XXYLT1: variants seen among roughly 807,000 people sequenced by gnomAD.
XXYLT1 encodes the protein UDP-xylose:alpha-xyloside alpha-1,3-xylosyltransferase.
In XXYLT1, 20 loss-of-function variants were observed where a neutral mutation model predicts 28.9. The ratio of observed to expected loss-of-function variants is 0.69; its 90% confidence interval spans 0.49 to 1.00. The LOEUF is 1.00. Among genes scored for constraint, XXYLT1 ranks in the 50% least tolerant of loss-of-function variants. The pLI is 0.00. For missense variants in XXYLT1, 542 were observed against 560.1 expected, an observed-to-expected ratio of 0.97 and a Z score of 0.33; for synonymous variants, 257 against 253.8, an observed-to-expected ratio of 1.01 and a Z score of -0.12.
chr3:195,122,159 G>A, intron 3 of XXYLT1: 1 of 703,004 alleles, frequency 1.4e-6, no homozygotes, highest in Non-Finnish European at 2.6e-6. Context: ...GAGCTCTTCA[G>A]GGTCTCTTTC....
Position 195,270,578 on chromosome 3 carries a change from G to A in XXYLT1, c.481C>T (p.Pro161Ser). ...ACCTTGCACTTGAAGCCAGCGGCGG[G>A]CGGCAGGAGCTCCCGCAGCAGGCCC... ...AKGLLRELLP[P>S]AAGFKCKVIF... Residue 161 changes from proline (P) to serine (S), a missense_variant, in exon 1 of 4, where the codon CCC becomes TCC. Pro to Ser is a moderately conservative substitution (Grantham distance 74). Transcript: ENST00000310380. 1.4e-6 allele frequency: 2 copies of A among 1,385,596 alleles called. No individual in the cohort carries two copies. Among genetic ancestry groups the A allele is most frequent in the Non-Finnish European group, 1.9e-6 (2 of 1,072,428 alleles). 85.8% of individuals were successfully genotyped at this position (1,385,596 alleles called of 1,614,324 possible). A position where few individuals can be genotyped will look rare whatever the true frequency, so the allele number is the denominator to read the frequency against.
intron 3 of XXYLT1, among the ~76,000 whole-genome samples, chr3:195,079,551 C>T (rs952871689): frequency 6.6e-6 from 1 of 152,136 alleles, no homozygotes; most frequent in Admixed American, 6.5e-5. Context: ...TTGTAATAAG[C>T]AAACAAGGTA....
Position 195,209,681 on chromosome 3 carries a change from A to G in XXYLT1, c.652+17028T>C. ...AGAAAAAGGCTGCAGCACAGGAGGGATGACCGGGGAGCAGCAGGAACGCTG... is the reference window on the plus strand; with the variant it reads ...AGAAAAAGGCTGCAGCACAGGAGGGGTGACCGGGGAGCAGCAGGAACGCTG... On this transcript the variant is annotated intron_variant, in intron 2 of 3. Coordinates refer to ENST00000310380, the MANE Select transcript of XXYLT1 (RefSeq NM_152531.5). The surrounding 1 kb of genome is among the most constrained non-coding windows in gnomAD (Gnocchi z 5.0). The G allele has an allele frequency of 6.6e-6, 1 of 151,408 alleles. No homozygotes were observed. 9.4% of individuals were successfully genotyped at this position (151,408 alleles called of 1,614,324 possible).
At chr3:195,148,886 C>T (rs533466546) in intron 3 of XXYLT1, among the ~76,000 whole-genome samples, 45 of 152,144 alleles carry the variant, frequency 3.0e-4, no homozygotes, top group East Asian at 1.5e-3. Flanking sequence ...CATTTACAGA[C>T]GAAATGCTGT....
In XXYLT1 at chr3:195,256,429, C is replaced by T. The variant is rs1401082748; in HGVS notation, c.504+14126G>A. 6 of 965,008 alleles carry T rather than the reference C, an allele frequency of 6.2e-6. No homozygotes were observed. The African/African-American group carries it at 8.8e-5, about 14-fold the overall frequency. The allele number at this position is 965,008 out of a possible 1,614,324, so 59.8% of individuals were successfully genotyped here. A position where few individuals can be genotyped will look rare whatever the true frequency, so the allele number is the denominator to read the frequency against. ...GCTCCGCGCAGGCCTGAGGTGCGGC[C>T]CTGCACAGGGCAGGGCCCGAGAAAC... On this transcript the variant is annotated intron_variant, in intron 1 of 3. Transcript: ENST00000310380. The surrounding 1 kb of genome is among the most constrained non-coding windows in gnomAD (Gnocchi z 4.2).
chr3:195,158,711 C>T lies in XXYLT1; in HGVS notation c.653-2130G>A, dbSNP rs551089505. Reference sequence around the variant, plus strand: ...ATGGGAGGCCACTCCTTTCTATTCCCGGAGGCCAACAGGCCCCTGTGCAGC... The same window carrying T: ...ATGGGAGGCCACTCCTTTCTATTCCTGGAGGCCAACAGGCCCCTGTGCAGC... On this transcript the variant is annotated intron_variant, in intron 2 of 3. Transcript: ENST00000310380. Among the ~76,000 whole-genome samples the T allele has an allele frequency of 2.6e-5, 4 of 152,364 alleles. No homozygotes were observed. In the South Asian group the frequency reaches 8.3e-4, roughly 32 times the overall value.
chr3:195,234,171 C>T (rs1724425323), intron 1 of XXYLT1, among the ~76,000 whole-genome samples: 1 of 151,964 alleles, frequency 6.6e-6, no homozygotes, highest in Non-Finnish European at 1.5e-5. Context: ...CCTGCCTCGG[C>T]CTCCCAAAGT....
rs77629105 is a variant in XXYLT1 at position 195,198,115 on chromosome 3, A to G, written c.652+28594T>C. ...ACTGAGGCTTGGGGATAGAGCATATATGAGGTTTACTCAATTCTGTCTGGC... is the reference window on the plus strand; with the variant it reads ...ACTGAGGCTTGGGGATAGAGCATATGTGAGGTTTACTCAATTCTGTCTGGC... On this transcript the variant is annotated intron_variant, in intron 2 of 3. Coordinates refer to ENST00000310380, the MANE Select transcript of XXYLT1 (RefSeq NM_152531.5). 8.5e-3 allele frequency among the ~76,000 whole-genome samples: 1,300 copies of G among 152,338 alleles called. 13 individuals are homozygous for G. Among genetic ancestry groups the G allele is most frequent in the African/African-American group, 0.03 (1,247 of 41,562 alleles).
intron 3 of XXYLT1, among the ~76,000 whole-genome samples, chr3:195,083,436 C>G (rs2108650390): frequency 6.6e-6 from 1 of 152,330 alleles, no homozygotes; most frequent in Middle Eastern, 3.4e-3. Context: ...AACACCCTCC[C>G]TGCTGAGATG....
In XXYLT1 at chr3:195,256,840, G is replaced by C. The variant is rs1725496504; in HGVS notation, c.504+13715C>G. Reference sequence around the variant, plus strand: ...AAGTGAGCGCCCAGGGGCAGGTGCAGGCTGAAGAGCTTGCCCAGGGCACTG... The same window carrying C: ...AAGTGAGCGCCCAGGGGCAGGTGCACGCTGAAGAGCTTGCCCAGGGCACTG... On this transcript the variant is annotated intron_variant, in intron 1 of 3. Transcript: ENST00000310380. This position sits in a 1 kb window ranked among gnomAD's most constrained non-coding sequence, Gnocchi z 4.2. Among the ~76,000 whole-genome samples the C allele has an allele frequency of 2.0e-5, 3 of 152,204 alleles. No homozygotes were observed. In the South Asian group the frequency reaches 6.2e-4, roughly 31 times the overall value.
intron 1 of XXYLT1, among the ~76,000 whole-genome samples, chr3:195,241,222 T>C (rs1724761976): frequency 6.6e-6 from 1 of 152,186 alleles, no homozygotes; most frequent in Non-Finnish European, 1.5e-5. Context: ...ATGTCTGGTA[T>C]CCATACACTT....
rs754579498 is a variant in XXYLT1, at chr3:195,270,677, G to T, written c.382C>A (p.Leu128Ile). Residue 128 changes from leucine to isoleucine, a missense_variant, in exon 1 of 4, where the codon CTC (leucine) becomes ATC (isoleucine). Transcript: ENST00000310380. The stretch of plus-strand genomic sequence containing the variant: ...ACCTCGTGCGCCTCGAACTTGGCGA[G>T]GCGCAGCAGTGAGCGCAGCGCGACG... The part of the protein sequence containing the change: ...ARVALRSLLR[L>I]AKFEAHEVLN... The T allele has an allele frequency of 1.9e-6, 3 of 1,585,252 alleles. No individual in the cohort carries two copies. Among genetic ancestry groups the T allele is most frequent in the Admixed American group, 1.7e-5 (1 of 57,716 alleles).
At chr3:195,141,040 C>A (rs1719462099) in intron 3 of XXYLT1, among the ~76,000 whole-genome samples, 1 of 152,180 alleles carries the variant, frequency 6.6e-6, no homozygotes, top group Non-Finnish European at 1.5e-5. Context: ...TACAAGACGG[C>A]CATCTGCAAA....
intron 1 of XXYLT1, among the ~76,000 whole-genome samples, chr3:195,248,754 C>T (rs990216128): frequency 6.6e-6 from 1 of 152,110 alleles, no homozygotes; most frequent in Non-Finnish European, 1.5e-5. Context: ...GCCGTCTCTA[C>T]TAAGAAAATA....
rs1295335493 is a variant in XXYLT1, at chr3:195,110,912, T to TGAG, written c.786-40802_786-40801insCTC. Among the ~76,000 whole-genome samples the TGAG allele has an allele frequency of 1.7e-4, 12 of 68,578 alleles. 1 individual carries two copies. Among genetic ancestry groups the TGAG allele is most frequent in the Non-Finnish European group, 3.7e-4 (11 of 29,668 alleles). The allele number at this position is 68,578 out of a possible 152,430, so 45.0% of individuals were successfully genotyped here. ...GCGTGTGTGTGGGTGAGGTGTGTGG[T>TGAG]GTGTGTGTGTGGTGTGTGTGAGGTA... is the stretch of plus-strand genomic sequence containing the variant. On this transcript the variant is annotated intron_variant, in intron 3 of 3. Coordinates refer to ENST00000310380, the MANE Select transcript of XXYLT1 (RefSeq NM_152531.5).
At position 195,271,141 on chromosome 3, in the gene XXYLT1, G is replaced by A. The variant is rs1189529018; in HGVS notation, c.-83C>T. ...CGGACGCCGGCGGCCACTTAGCCCC[G>A]GCGCCAGGCGGCGGCCATGAAAGGG... On this transcript the variant is annotated 5_prime_UTR_variant, in exon 1 of 4. Transcript: ENST00000310380. 3 of 1,256,802 alleles carry A rather than the reference G, an allele frequency of 2.4e-6. No homozygotes were observed. The highest frequency in any genetic ancestry group is 3.0e-6 in the Non-Finnish European group (3 of 1,002,318). 77.9% of individuals were successfully genotyped at this position (1,256,802 alleles called of 1,614,324 possible).
In XXYLT1 at chr3:195,143,825, TATATAG is replaced by T. The variant is rs1202804932; in HGVS notation, c.785+12618_785+12623del. On this transcript the variant is annotated intron_variant, in intron 3 of 3. Transcript: ENST00000310380. ...AGATAGATATATATAGATATAGATA[TATATAG>T]ATATAGATATAGATATATATATAGA... Among the ~76,000 whole-genome samples the T allele has an allele frequency of 2.4e-3, 222 of 93,852 alleles. 12 individuals carry two copies. The highest frequency in any genetic ancestry group is 5.7e-3 in the Admixed American group (52 of 9,048). The allele number at this position is 93,852 out of a possible 152,430, so 61.6% of individuals were successfully genotyped here.
Position 195,233,511 on chromosome 3 carries a change from G to T in XXYLT1, c.505-6655C>A, listed in dbSNP as rs968800358. On this transcript the variant is annotated intron_variant, in intron 1 of 3. Transcript: ENST00000310380. ...TGCTTTTTACTTTTTCATATCCATT[G>T]TATGTTTTTAGACTTGAGGTTGCCA... Among the ~76,000 whole-genome samples the T allele has an allele frequency of 8.6e-5, 13 of 152,012 alleles. No homozygotes were observed. In the East Asian group the frequency reaches 2.3e-3, roughly 27 times the overall value.
chr3:195,252,727 C>CACACAGAG (rs1191544595), intron 1 of XXYLT1, among the ~76,000 whole-genome samples: 22 of 119,084 alleles, frequency 1.8e-4, no homozygotes, highest in Non-Finnish European at 2.7e-4. Flanking sequence ...CACACACACA[C>CACACAGAG]AGAGAGAGAG....
Sources: gnomAD v4.1 joint callset for allele counts (sites outside exome capture counted in the v4.1 genomes callset) on GRCh38, gnomAD v4.1.1 for gene constraint, Gnocchi (gnomAD v3.1) non-coding constraint, MANE v1.5 for transcripts, NCBI Gene and HGNC (gene_info 2026-07-23, HGNC 2026-07-21) for gene names.